Variants in ZRSR2 observed in about 807,000 individuals in gnomAD.
ZRSR2 encodes the protein U2 small nuclear ribonucleoprotein auxiliary factor 35 kDa subunit-related protein 2.
Under a neutral mutation model 39.4 loss-of-function variants are expected in ZRSR2, and 3 were observed. That is an observed-to-expected ratio of 0.08 (90% CI 0.03 to 0.20). The LOEUF is 0.20. Among genes scored for constraint, ZRSR2 ranks in the 10% least tolerant of loss-of-function variants. The pLI, the probability that ZRSR2 is intolerant of heterozygous loss-of-function variation, is 1.00. For missense variants in ZRSR2, 256 were observed against 391.5 expected, an observed-to-expected ratio of 0.65 and a Z score of 2.92; for synonymous variants, 137 against 136.0, an observed-to-expected ratio of 1.01 and a Z score of -0.05.
intron 2 of ZRSR2, among the ~76,000 whole-genome samples, chrX:15,793,106 G>A (rs956645035): frequency 2.7e-5 from 3 of 111,798 alleles, no homozygotes; most frequent in Non-Finnish European, 5.6e-5. Flanking sequence ...AGAATAGGTT[G>A]GAGTTATTGA....
At chrX:15,795,783 G>A (rs971535935) in intron 2 of ZRSR2, among the ~76,000 whole-genome samples, 1 of 111,208 alleles carries the variant, frequency 9.0e-6, no homozygotes, top group Non-Finnish European at 1.9e-5. Context: ...CCTACTAAAT[G>A]TCCTTTGTGG....
At chrX:15,798,847 C>G (rs1312775486) in intron 2 of ZRSR2, among the ~76,000 whole-genome samples, 1 of 111,623 alleles carries the variant, frequency 9.0e-6, no homozygotes, top group Non-Finnish European at 1.9e-5. Context: ...TGAGACCTTT[C>G]ACATCAGGTT....
At chrX:15,816,441 G>T (rs1370511813) in intron 8 of ZRSR2, among the ~76,000 whole-genome samples, 1 of 111,626 alleles carries the variant, frequency 9.0e-6, no homozygotes, top group Non-Finnish European at 1.9e-5. Flanking sequence ...TTTTTACACT[G>T]TTTTTATTCA....
chrX:15,815,960 G>A, intron 8 of ZRSR2, 70 bp downstream of exon 8: 1 of 935,140 alleles, frequency 1.1e-6, no homozygotes, highest in African/African-American at 1.9e-5. Context: ...AAGAGAGCTG[G>A]GACACAGGCT....
rs766531725 is a variant in ZRSR2, at chrX:15,803,987, A to C, written c.313-124A>C. 5.9e-6 allele frequency: 6 copies of C among 1,021,827 alleles called. No homozygotes were observed. The Admixed American group carries it at 2.1e-4, about 37-fold the overall frequency. The allele number at this position is 1,021,827 out of a possible 1,213,427, so 84.2% of individuals were successfully genotyped here. A position where few individuals can be genotyped will look rare whatever the true frequency, so the allele number is the denominator to read the frequency against. ...GAGTTGCCTATCTTGAACTTAAAAA[A>C]AAAAAACAAAAAACTGATCTTATTC... On this transcript the variant is annotated intron_variant, in intron 4 of 10. Coordinates refer to ENST00000307771, the MANE Select transcript of ZRSR2 (RefSeq NM_005089.4).
chrX:15,797,046 G>A lies in ZRSR2; in HGVS notation c.122-2826G>A, dbSNP rs1008350345. Among the ~76,000 whole-genome samples, 35 of 108,602 alleles carry A rather than the reference G, an allele frequency of 3.2e-4. 1 individual carries two copies. Among genetic ancestry groups the A allele is most frequent in the Middle Eastern group, 4.7e-3 (1 of 215 alleles). The allele number at this position is 108,602 out of a possible 115,157, so 94.3% of individuals were successfully genotyped here. On this transcript the variant is annotated intron_variant, in intron 2 of 10. Coordinates refer to ENST00000307771, the MANE Select transcript of ZRSR2 (RefSeq NM_005089.4). ...TGACCTCAAGTAATCCGTCCACCTC[G>A]GCCTCCGAAAGTGCTAGGATTACAG...
chrX:15,802,977 T>C (rs1391895545), intron 3 of ZRSR2, among the ~76,000 whole-genome samples: 1 of 109,640 alleles, frequency 9.1e-6, no homozygotes, highest in Non-Finnish European at 1.9e-5. Flanking sequence ...CTTTTAAGAA[T>C]AGGGGCTGGG....
Position 15,823,126 on chromosome X carries a change from A to AGCCGGAGCC in ZRSR2, c.1336_1344dup (p.Arg452_Arg454dup). The AGCCGGAGCC allele has an allele frequency of 5.0e-6, 6 of 1,206,248 alleles. No homozygotes were observed. Among genetic ancestry groups the AGCCGGAGCC allele is most frequent in the South Asian group, 1.8e-5 (1 of 56,642 alleles). On this transcript the variant is annotated inframe_insertion, in exon 11 of 11. Transcript: ENST00000307771. ...CCGGGGCAGCCGGAGCCGGAGCCGG[A>AGCCGGAGCC]GCCGGAGCCGCAGGAGCCGCCGCAG...
chrX:15,791,076 T>A (rs1932260547), intron 2 of ZRSR2, 63 bp downstream of exon 2: 1 of 1,024,274 alleles, frequency 9.8e-7, no homozygotes, highest in East Asian at 3.1e-5. Flanking sequence ...CAGCCCTAAC[T>A]TGAAGCCCCA....
At position 15,795,166 on chromosome X, in the gene ZRSR2, A is replaced by G. The variant is rs1311054388; in HGVS notation, c.121+4153A>G. On this transcript the variant is annotated intron_variant, in intron 2 of 10. Coordinates refer to ENST00000307771, the MANE Select transcript of ZRSR2 (RefSeq NM_005089.4). ...CTTAAGTCCAATGATGCCATGCACA[A>G]TATCTGGACACATTTTTTTCTCCAG... Among the ~76,000 whole-genome samples the G allele has an allele frequency of 6.8e-5, 7 of 102,665 alleles. No individual in the cohort carries two copies. In the Admixed American group the frequency reaches 7.9e-4, roughly 12 times the overall value. 89.2% of individuals were successfully genotyped at this position (102,665 alleles called of 115,157 possible). A position where few individuals can be genotyped will look rare whatever the true frequency, so the allele number is the denominator to read the frequency against.
intron 2 of ZRSR2, among the ~76,000 whole-genome samples, chrX:15,795,088 T>TCCC (rs35705626): frequency 3.2e-4 from 19 of 59,313 alleles, no homozygotes; most frequent in African/African-American, 1.1e-3. Flanking sequence ...CCTGCACTTT[T>TCCC]CCCCCCCCCC....
chrX:15,816,999 A>G (rs1932990771), intron 8 of ZRSR2, among the ~76,000 whole-genome samples: 1 of 111,897 alleles, frequency 8.9e-6, no homozygotes. Context: ...TGTTAGAAGC[A>G]CTGGCCGAGG....
In ZRSR2 at chrX:15,808,801, A is replaced by G. The variant is rs762459746; in HGVS notation, c.439-399A>G. Among the ~76,000 whole-genome samples, 4 of 109,898 alleles carry G rather than the reference A, an allele frequency of 3.6e-5. No homozygotes were observed. In the East Asian group the frequency reaches 1.2e-3, roughly 32 times the overall value. ...CACGCCCAGCTAATTTTATATTTTT[A>G]GTAGAGATGGGGTTTCTCCATGTTG... On this transcript the variant is annotated intron_variant, in intron 6 of 10. Transcript: ENST00000307771.
At chrX:15,798,281 C>G (rs960358523) in intron 2 of ZRSR2, among the ~76,000 whole-genome samples, 3 of 111,845 alleles carry the variant, frequency 2.7e-5, no homozygotes, top group African/African-American at 9.7e-5. Context: ...TCCACTTTCA[C>G]TGATTTTTTT....
chrX:15,793,908 G>A (rs1271900301), intron 2 of ZRSR2, among the ~76,000 whole-genome samples: 1 of 112,529 alleles, frequency 8.9e-6, no homozygotes, highest in African/African-American at 3.2e-5. Context: ...AATGTTGAGT[G>A]TAACTATGAG....
intron 6 of ZRSR2, 121 bp downstream of exon 6, chrX:15,808,392 T>G: frequency 1.6e-6 from 1 of 609,159 alleles, no homozygotes; most frequent in East Asian, 3.5e-5. Flanking sequence ...TCTGGACTCA[T>G]GTTTATGATG....
At position 15,809,105 on chromosome X, in the gene ZRSR2, G is replaced by A. The variant is rs1932841828; in HGVS notation, c.439-95G>A. On this transcript the variant is annotated intron_variant, in intron 6 of 10. Transcript: ENST00000307771. ...TGTTTGCATTATTAAATGAAACAAT[G>A]TTTATCTTTGAGGAAAATATTTTAA... 19 of 661,662 alleles carry A rather than the reference G, an allele frequency of 2.9e-5. No homozygotes were observed. In the South Asian group the frequency reaches 4.1e-4, roughly 14 times the overall value. 54.5% of individuals were successfully genotyped at this position (661,662 alleles called of 1,213,427 possible).
At chrX:15,804,345 G>C in intron 5 of ZRSR2, 148 bp downstream of exon 5, 2 of 909,120 alleles carry the variant, frequency 2.2e-6, no homozygotes, top group Non-Finnish European at 3.0e-6. Flanking sequence ...TAACACCAGA[G>C]TTCCCTTCTG....
chrX:15,823,208 G>C lies in ZRSR2; in HGVS notation c.1415G>C (p.Arg472Thr). 1.3e-5 allele frequency: 15 copies of C among 1,179,269 alleles called. No individual in the cohort carries two copies. The highest frequency in any genetic ancestry group is 1.6e-5 in the Non-Finnish European group (14 of 881,014). The change falls in exon 11 of 11, where the codon AGA (arginine) becomes ACA (threonine). Residue 472 changes from arginine to threonine, a missense_variant. Physicochemically the swap from Arg to Thr is moderately conservative, Grantham distance 71. Coordinates refer to ENST00000307771, the MANE Select transcript of ZRSR2 (RefSeq NM_005089.4). ...RSRGRRRSGN[R>T]DRTVQSPKSK ...CGTGGCAGGAGGAGGTCGGGTAATA[G>C]AGACAGAACTGTTCAGAGTCCCAAA...
Sources: allele counts gnomAD v4.1 joint callset (sites outside exome capture counted in the v4.1 genomes callset), GRCh38; gene constraint gnomAD v4.1.1; transcripts MANE v1.5; gene names NCBI Gene and HGNC (gene_info 2026-07-23, HGNC 2026-07-21).